The following MTUS1 variants were observed in gnomAD, a reference collection of about 807,000 sequenced individuals.
MTUS1 encodes microtubule-associated tumor suppressor 1.
Under a neutral mutation model 120.8 loss-of-function variants are expected in MTUS1, and 109 were observed. The observed-to-expected ratio is 0.90, with a 90% confidence interval of 0.77 to 1.06. The LOEUF (loss-of-function observed/expected upper bound fraction) is 1.06. Among genes scored for constraint, MTUS1 ranks in the 50% least tolerant of loss-of-function variants. The pLI, the probability that MTUS1 is intolerant of heterozygous loss-of-function variation, is 0.00. For missense variants in MTUS1, 2,210 were observed against 1,486.3 expected (o/e 1.49, Z -8.01); for synonymous variants, 737 against 550.5 (o/e 1.34, Z -4.74).
At chr8:17,706,597 G>C (rs1021494226) in intron 6 of MTUS1, among the ~76,000 whole-genome samples, 1 of 152,162 alleles carries the variant, frequency 6.6e-6, no homozygotes. Context: ...GGTATAAAAT[G>C]ATATGAAGCT....
intron 7 of MTUS1, chr8:17,681,478 A>C (rs1379767782): frequency 6.5e-6 from 1 of 153,918 alleles, no homozygotes. Flanking sequence ...TAGCAGGCAA[A>C]TTACCTAACT....
intron 1 of MTUS1, among the ~76,000 whole-genome samples, chr8:17,793,560 T>C (rs983317092): frequency 2.0e-5 from 3 of 152,140 alleles, no homozygotes; most frequent in African/African-American, 7.2e-5. Flanking sequence ...GAAATAATTA[T>C]AAAAGTAAAA....
intron 6 of MTUS1, among the ~76,000 whole-genome samples, chr8:17,702,378 T>C (rs905192791): frequency 6.6e-6 from 1 of 152,324 alleles, no homozygotes; most frequent in East Asian, 1.9e-4. Flanking sequence ...CCCTTTCTTT[T>C]TGTTTAGTTT....
chr8:17,726,764 T>C (rs1235717123), intron 3 of MTUS1, among the ~76,000 whole-genome samples: 4 of 152,208 alleles, frequency 2.6e-5, no homozygotes, highest in Non-Finnish European at 5.9e-5. Context: ...TTTTAGAATA[T>C]AAATTTGCCA....
At position 17,800,435 on chromosome 8, in the gene MTUS1, C is replaced by T. The variant is rs7845581; in HGVS notation, c.-155+626G>A. On this transcript the variant is annotated intron_variant, in intron 1 of 14. Coordinates refer to ENST00000693296, the MANE Select transcript of MTUS1 (RefSeq NM_001363059.2). ...ATTTAACAGAGTATGTGTAACTACG[C>T]AGGCTAAATGAATTAACCTCTTCCT... Among the ~76,000 whole-genome samples the T allele has an allele frequency of 7.0e-3, 1,065 of 152,320 alleles. 12 individuals are homozygous for T. Among genetic ancestry groups the T allele is most frequent in the African/African-American group, 0.024 (1,010 of 41,572 alleles).
At chr8:17,771,079 A>G (rs1485147077) in intron 1 of MTUS1, among the ~76,000 whole-genome samples, 2 of 152,238 alleles carry the variant, frequency 1.3e-5, no homozygotes, top group Admixed American at 6.5e-5. Flanking sequence ...TAATCTGGCT[A>G]CAATTGTACT....
At position 17,755,483 on chromosome 8, in the gene MTUS1, C is replaced by T; in HGVS notation, c.325G>A (p.Val109Ile). The T allele has an allele frequency of 6.2e-7, 1 of 1,614,214 alleles. No homozygotes were observed. The highest frequency in any genetic ancestry group is 8.5e-7 in the Non-Finnish European group (1 of 1,180,016). ...AGATATTTGGGCTTCTCAGTACCTA[C>T]AAGTGCAGGACACTGACAAATAGAA... ...KDSICQCPAL[V>I]GTEKPKYLQH... Residue 109 changes from valine (V) to isoleucine (I), a missense_variant, in exon 2 of 15, where the codon GTA (valine) becomes ATA (isoleucine). Val to Ile is a conservative substitution (Grantham distance 29). Transcript: ENST00000693296.
rs1028380744 is a variant in MTUS1, at chr8:17,654,858, G to A, written c.3109-192C>T. 6 of 582,332 alleles carry A rather than the reference G, an allele frequency of 1.0e-5. No homozygotes were observed. In the East Asian group the frequency reaches 1.7e-4, roughly 16 times the overall value. The allele number at this position is 582,332 out of a possible 1,614,324, so 36.1% of individuals were successfully genotyped here. On this transcript the variant is annotated intron_variant, in intron 9 of 14. Transcript: ENST00000693296. ...AACCTCAGCACTCTGGGAGGCAGAG[G>A]TGGAGGATCACTTGGAGCCCAGCAG...
intron 8 of MTUS1, among the ~76,000 whole-genome samples, chr8:17,656,395 G>C (rs1217308186): frequency 6.6e-6 from 1 of 152,082 alleles, no homozygotes; most frequent in East Asian, 1.9e-4. Flanking sequence ...GGGCATGGTA[G>C]CAGGTGCCTG....
intron 2 of MTUS1, among the ~76,000 whole-genome samples, chr8:17,745,243 G>A (rs1476820434): frequency 2.0e-5 from 3 of 152,120 alleles, no homozygotes; most frequent in African/African-American, 4.8e-5. Flanking sequence ...TTAGTTCCAG[G>A]ACCCTGGCAG....
At chr8:17,790,139 G>A (rs930033901) in intron 1 of MTUS1, among the ~76,000 whole-genome samples, 1 of 151,922 alleles carries the variant, frequency 6.6e-6, no homozygotes. Flanking sequence ...ACAAGATCAG[G>A]AAATCAAGAC....
intron 3 of MTUS1, among the ~76,000 whole-genome samples, chr8:17,725,433 C>G (rs2046161846): frequency 6.6e-6 from 1 of 152,212 alleles, no homozygotes; most frequent in Non-Finnish European, 1.5e-5. Context: ...CATGTGTGCT[C>G]TGCTCCGATT....
chr8:17,735,902 T>C (rs1392527895), intron 3 of MTUS1, among the ~76,000 whole-genome samples: 1 of 152,212 alleles, frequency 6.6e-6, no homozygotes, highest in Non-Finnish European at 1.5e-5. Flanking sequence ...CATACAGCAC[T>C]ATAAATGCAA....
At chr8:17,718,642 G>A (rs1822788802) in intron 4 of MTUS1, among the ~76,000 whole-genome samples, 2 of 151,884 alleles carry the variant, frequency 1.3e-5, no homozygotes, top group South Asian at 4.2e-4. Flanking sequence ...TTTTTCATGT[G>A]GCCACCTACT....
intron 5 of MTUS1, among the ~76,000 whole-genome samples, chr8:17,715,565 C>T (rs1040457330): frequency 4.6e-5 from 7 of 152,180 alleles, no homozygotes; most frequent in African/African-American, 1.4e-4. Context: ...CTGACTTACA[C>T]GTAATGATTT....
chr8:17,670,508 A>C (rs1811796430), intron 8 of MTUS1, among the ~76,000 whole-genome samples: 1 of 152,156 alleles, frequency 6.6e-6, no homozygotes, highest in Non-Finnish European at 1.5e-5. Flanking sequence ...AAAGTGCTTG[A>C]CCTATCCAGT....
chr8:17,764,062 T>C (rs1664599578), intron 1 of MTUS1, among the ~76,000 whole-genome samples: 1 of 152,176 alleles, frequency 6.6e-6, no homozygotes, highest in African/African-American at 2.4e-5. Flanking sequence ...AAATTATACC[T>C]GAATGTTTTA....
In MTUS1 at chr8:17,659,514, G is replaced by A. The variant is rs150169141; in HGVS notation, c.2906-3449C>T. Among the ~76,000 whole-genome samples the A allele has an allele frequency of 1.5e-3, 221 of 152,252 alleles. 4 individuals are homozygous for A. Among genetic ancestry groups the A allele is most frequent in the African/African-American group, 5.0e-3 (206 of 41,552 alleles). ...TATCCAGACCATCCTGGCCAACATG[G>A]TGAAACCCCATCTCTACTAAAAATA... On this transcript the variant is annotated intron_variant, in intron 8 of 14. Coordinates refer to ENST00000693296, the MANE Select transcript of MTUS1 (RefSeq NM_001363059.2).
In MTUS1 at chr8:17,668,827, C is replaced by T. The variant is rs545476338; in HGVS notation, c.2905+6359G>A. Among the ~76,000 whole-genome samples the T allele has an allele frequency of 3.9e-5, 6 of 152,300 alleles. No homozygotes were observed. The South Asian group carries it at 1.0e-3, about 26-fold the overall frequency. On this transcript the variant is annotated intron_variant, in intron 8 of 14. Coordinates refer to ENST00000693296, the MANE Select transcript of MTUS1 (RefSeq NM_001363059.2). ...TTTTTTCTGCTCCTCTCCCTCCTCCCGCCCTCCACCCTCAGGCAGGCCCCA... is the reference window on the plus strand; with the variant it reads ...TTTTTTCTGCTCCTCTCCCTCCTCCTGCCCTCCACCCTCAGGCAGGCCCCA...
Sources: gnomAD v4.1 joint callset for allele counts (sites outside exome capture counted in the v4.1 genomes callset) on GRCh38, gnomAD v4.1.1 for gene constraint, MANE v1.5 for transcripts, NCBI Gene and HGNC (gene_info 2026-07-23, HGNC 2026-07-21) for gene names.